IMPA1: variants seen among roughly 807,000 people sequenced by gnomAD.
IMPA1 encodes the protein inositol monophosphatase 1.
IMPA1 carries 21 observed loss-of-function variants against 34.9 expected under a neutral mutation model. The ratio of observed to expected loss-of-function variants is 0.60; its 90% CI spans 0.43 to 0.87. The LOEUF (loss-of-function observed/expected upper bound fraction) is 0.87. Among genes scored for constraint, IMPA1 ranks in the 40% least tolerant of loss-of-function variants. IMPA1 has a pLI of 0.00. For synonymous variants in IMPA1, 95 were observed against 104.4 expected (o/e 0.91, Z 0.55); for missense variants, 299 against 336.4 (o/e 0.89, Z 0.87).
chr8:81,669,715 G>A (rs183919165), intron 7 of IMPA1, among the ~76,000 whole-genome samples: 3 of 152,292 alleles, frequency 2.0e-5, no homozygotes, highest in East Asian at 3.9e-4. Context: ...GATGGAATGA[G>A]TGTATTTGTA....
At chr8:81,662,567 T>C (rs1434837816) in intron 7 of IMPA1, among the ~76,000 whole-genome samples, 1 of 152,232 alleles carries the variant, frequency 6.6e-6, no homozygotes, top group Non-Finnish European at 1.5e-5. Flanking sequence ...TATGTGGTCC[T>C]CCTATACAGC....
chr8:81,680,548 G>A, intron 3 of IMPA1, 102 bp downstream of exon 3: 1 of 835,114 alleles, frequency 1.2e-6, no homozygotes, highest in Non-Finnish European at 1.9e-6. Flanking sequence ...TAACTTCATG[G>A]AAGACCTTGG....
rs1179058369 is a variant in IMPA1, at chr8:81,658,471, G to A, written c.*880C>T. The A allele has an allele frequency of 6.6e-6, 1 of 152,360 alleles. No individual in the cohort carries two copies. The highest frequency in any genetic ancestry group is 2.4e-5 in the African/African-American group (1 of 41,434). The allele number at this position is 152,360 out of a possible 1,614,324, so 9.4% of individuals were successfully genotyped here. On this transcript the variant is annotated 3_prime_UTR_variant, in exon 9 of 9. Coordinates refer to ENST00000256108, the MANE Select transcript of IMPA1 (RefSeq NM_005536.4). ...TAAACACCTTTAAAACATGAATACT[G>A]AACTTAGTAAAATGTTATATTGTAT...
At chr8:81,683,101 A>C (rs1807348152) in intron 1 of IMPA1, among the ~76,000 whole-genome samples, 1 of 152,238 alleles carries the variant, frequency 6.6e-6, no homozygotes, top group East Asian at 1.9e-4. Context: ...GATGAGAACA[A>C]GTGAACAGGC....
chr8:81,683,452 G>C lies in IMPA1; in HGVS notation c.-24-1868C>G, dbSNP rs546351372. Among the ~76,000 whole-genome samples, 41 of 152,234 alleles carry C rather than the reference G, an allele frequency of 2.7e-4. 1 individual carries two copies. Among genetic ancestry groups the C allele is most frequent in the African/African-American group, 9.6e-4 (40 of 41,546 alleles). ...AGAGTCAGAGATACCTGTTTTGAGG[G>C]AATCTAACAGATTGGCTACAGAGTA... On this transcript the variant is annotated intron_variant, in intron 1 of 8. Coordinates refer to ENST00000256108, the MANE Select transcript of IMPA1 (RefSeq NM_005536.4).
At chr8:81,666,880 A>G (rs1806842926) in intron 7 of IMPA1, among the ~76,000 whole-genome samples, 1 of 150,494 alleles carries the variant, frequency 6.6e-6, no homozygotes, top group Non-Finnish European at 1.5e-5. Flanking sequence ...AAAAAAAAAA[A>G]AAAAAAAAAA....
intron 1 of IMPA1, among the ~76,000 whole-genome samples, chr8:81,685,180 A>T (rs1359591094): frequency 7.3e-6 from 1 of 136,366 alleles, no homozygotes; most frequent in African/African-American, 2.7e-5. Flanking sequence ...TAGATACTAT[A>T]TATACTATAC....
At chr8:81,684,998 TAC>T (rs1563593022) in intron 1 of IMPA1, among the ~76,000 whole-genome samples, 6 of 134,896 alleles carry the variant, frequency 4.4e-5, no homozygotes, top group African/African-American at 1.6e-4. Flanking sequence ...TATATTTAGA[TAC>T]TATATATACT....
At chr8:81,680,077 G>A (rs1563589346) in intron 3 of IMPA1, among the ~76,000 whole-genome samples, 1 of 150,828 alleles carries the variant, frequency 6.6e-6, no homozygotes, top group African/African-American at 2.4e-5. Context: ...GGAGGTTGCA[G>A]TGAGGTGAGA....
chr8:81,683,501 T>C (rs1440912123), intron 1 of IMPA1, among the ~76,000 whole-genome samples: 1 of 152,112 alleles, frequency 6.6e-6, no homozygotes, highest in Non-Finnish European at 1.5e-5. Flanking sequence ...GAGTTCAGAT[T>C]TCCTCTGAAT....
chr8:81,682,444 C>G (rs1398335450), intron 1 of IMPA1, among the ~76,000 whole-genome samples: 1 of 152,122 alleles, frequency 6.6e-6, no homozygotes, highest in Non-Finnish European at 1.5e-5. Flanking sequence ...TCAGAAACTC[C>G]TATCTTGGGG....
chr8:81,685,432 C>A (rs1227406968), intron 1 of IMPA1, among the ~76,000 whole-genome samples: 1 of 138,904 alleles, frequency 7.2e-6, no homozygotes, highest in Non-Finnish European at 1.5e-5. Flanking sequence ...AGTATGTATA[C>A]CTAAGTATAT....
chr8:81,685,430 T>C (rs1807482725), intron 1 of IMPA1, among the ~76,000 whole-genome samples: 1 of 141,094 alleles, frequency 7.1e-6, no homozygotes, highest in Non-Finnish European at 1.5e-5. Context: ...TAAGTATGTA[T>C]ACCTAAGTAT....
chr8:81,664,655 G>T (rs1806770206), intron 7 of IMPA1, among the ~76,000 whole-genome samples: 1 of 151,638 alleles, frequency 6.6e-6, no homozygotes, highest in Admixed American at 6.6e-5. Flanking sequence ...TTCTGAAGGA[G>T]AATCAAATAA....
intron 3 of IMPA1, among the ~76,000 whole-genome samples, chr8:81,680,315 ACT>A (rs1308250391): frequency 1.3e-5 from 2 of 152,058 alleles, no homozygotes; most frequent in East Asian, 1.9e-4. Context: ...CATCTGGTTC[ACT>A]CTGTTTCTCC....
At chr8:81,683,532 C>T (rs1468672342) in intron 1 of IMPA1, among the ~76,000 whole-genome samples, 2 of 152,148 alleles carry the variant, frequency 1.3e-5, no homozygotes, top group African/African-American at 4.8e-5. Flanking sequence ...AGATTTCCCA[C>T]TCTGGCAACT....
chr8:81,686,136 T>G, intron 1 of IMPA1, 116 bp downstream of exon 1: 1 of 811,158 alleles, frequency 1.2e-6, no homozygotes, highest in Non-Finnish European at 1.6e-6. Flanking sequence ...GCCTCCACCC[T>G]AGGCGCCGAC....
intron 8 of IMPA1, among the ~76,000 whole-genome samples, chr8:81,660,011 G>C (rs953559060): frequency 1.3e-5 from 2 of 152,178 alleles, no homozygotes; most frequent in Non-Finnish European, 2.9e-5. Context: ...CTCGGTGACT[G>C]TCTAGGCCAA....
At chr8:81,664,151 A>G (rs902508883) in intron 7 of IMPA1, among the ~76,000 whole-genome samples, 2 of 152,180 alleles carry the variant, frequency 1.3e-5, no homozygotes, top group African/African-American at 4.8e-5. Context: ...AAGGATAAAT[A>G]TTTCCTTTTA....
Sources: gnomAD v4.1 joint callset for allele counts (sites outside exome capture counted in the v4.1 genomes callset) on GRCh38, gnomAD v4.1.1 for gene constraint, MANE v1.5 for transcripts, NCBI Gene and HGNC (gene_info 2026-07-23, HGNC 2026-07-21) for gene names.